HS6ST2: variants seen among roughly 807,000 people sequenced by gnomAD.
HS6ST2 encodes heparan sulfate 6-O-sulfotransferase 2, also known as heparan-sulfate 6-O-sulfotransferase 2.
Under a neutral mutation model 33.0 loss-of-function variants are expected in HS6ST2, and 17 were observed. The ratio of observed to expected loss-of-function variants is 0.52; its 90% CI spans 0.35 to 0.77. HS6ST2 has a LOEUF of 0.77. Ranked by LOEUF, HS6ST2 falls within the 30% of genes least tolerant of loss-of-function variation. The pLI, the probability that HS6ST2 is intolerant of heterozygous loss-of-function variation, is 0.01. For missense variants in HS6ST2, 519 were observed against 551.7 expected (o/e 0.94, Z 0.59); for synonymous variants, 248 against 237.1 (o/e 1.05, Z -0.42).
In HS6ST2 at chrX:132,668,975, A is replaced by G. The variant is rs962118427; in HGVS notation, c.1067+138T>C. On this transcript the variant is annotated intron_variant, in intron 4 of 4. Transcript: ENST00000370833. ...CATGCCTTGCTCGTTTCAATTCCCC[A>G]GTGACGAGCCCAGTGGGAGGCACAC... The G allele has an allele frequency of 3.2e-4, 141 of 440,807 alleles. 1 individual carries two copies. Among genetic ancestry groups the G allele is most frequent in the Non-Finnish European group, 8.5e-5 (21 of 248,010 alleles). 36.3% of individuals were successfully genotyped at this position (440,807 alleles called of 1,213,427 possible).
intron 4 of HS6ST2, among the ~76,000 whole-genome samples, chrX:132,659,999 T>G (rs1019843915): frequency 1.8e-5 from 2 of 111,889 alleles, no homozygotes; most frequent in African/African-American, 6.5e-5. Context: ...AATGTCACCT[T>G]TAGTGATGTT....
intron 4 of HS6ST2, among the ~76,000 whole-genome samples, chrX:132,629,532 T>C (rs1379734886): frequency 8.9e-6 from 1 of 112,385 alleles, no homozygotes; most frequent in Non-Finnish European, 1.9e-5. Context: ...ACATACTTTA[T>C]TGGAGTGAAA....
At chrX:132,769,261 C>T (rs899601297) in intron 2 of HS6ST2, among the ~76,000 whole-genome samples, 1 of 112,432 alleles carries the variant, frequency 8.9e-6, no homozygotes, top group Non-Finnish European at 1.9e-5. Flanking sequence ...AACAGGTAAA[C>T]AAGTAACTTT....
intron 4 of HS6ST2, among the ~76,000 whole-genome samples, chrX:132,637,955 T>G (rs2063574396): frequency 4.3e-5 from 3 of 69,650 alleles, no homozygotes; most frequent in Admixed American, 4.5e-4. Context: ...ATATATAATA[T>G]ATATAAAATA....
chrX:132,877,228 A>G (rs1270010287), intron 2 of HS6ST2, among the ~76,000 whole-genome samples: 1 of 112,064 alleles, frequency 8.9e-6, no homozygotes, highest in Non-Finnish European at 1.9e-5. Context: ...AAGCACTTCC[A>G]CATATGTTAT....
intron 2 of HS6ST2, among the ~76,000 whole-genome samples, chrX:132,866,917 G>A (rs12388441): frequency 3.6e-4 from 38 of 106,091 alleles, no homozygotes; most frequent in African/African-American, 5.9e-4. Flanking sequence ...CAATCATGTC[G>A]TCTGCAAACA....
At chrX:132,927,403 AGTCCC>A (rs2066720340) in intron 2 of HS6ST2, among the ~76,000 whole-genome samples, 1 of 111,871 alleles carries the variant, frequency 8.9e-6, no homozygotes, top group Non-Finnish European at 1.9e-5. Context: ...CTACTTAAAA[AGTCCC>A]AATGCCTTCT....
intron 2 of HS6ST2, chrX:132,735,397 G>GA (rs1478024870): frequency 9.0e-6 from 1 of 111,618 alleles, no homozygotes; most frequent in African/African-American, 3.3e-5. Context: ...CCAGGATCTA[G>GA]AAGGTCAAAG....
intron 2 of HS6ST2, among the ~76,000 whole-genome samples, chrX:132,913,556 G>A (rs756401394): frequency 1.8e-5 from 2 of 111,871 alleles, no homozygotes; most frequent in Non-Finnish European, 3.8e-5. Flanking sequence ...TGGATCCTGT[G>A]GCAAGTGTGG....
intron 2 of HS6ST2, among the ~76,000 whole-genome samples, chrX:132,752,408 G>A (rs1372802740): frequency 9.9e-6 from 1 of 101,520 alleles, no homozygotes; most frequent in Non-Finnish European, 2.0e-5. Flanking sequence ...GGAGGCGGAG[G>A]TTGCAATGAG....
At chrX:132,902,144 C>T (rs778301937) in intron 2 of HS6ST2, among the ~76,000 whole-genome samples, 10 of 108,571 alleles carry the variant, frequency 9.2e-5, no homozygotes, top group African/African-American at 3.0e-4. Context: ...CTCTTTAACC[C>T]AGGCTGGAGT....
chrX:132,883,528 C>A (rs954752873), intron 2 of HS6ST2, among the ~76,000 whole-genome samples: 6 of 111,266 alleles, frequency 5.4e-5, no homozygotes, highest in African/African-American at 1.6e-4. Flanking sequence ...GAGTGCCTAA[C>A]ATATGTCAAG....
At chrX:132,631,832 T>C (rs2063520010) in intron 4 of HS6ST2, among the ~76,000 whole-genome samples, 1 of 111,467 alleles carries the variant, frequency 9.0e-6, no homozygotes, top group African/African-American at 3.3e-5. Context: ...AGTGGAAGTC[T>C]GCAGCTCTCC....
intron 2 of HS6ST2, among the ~76,000 whole-genome samples, chrX:132,800,783 C>T (rs1280547216): frequency 8.9e-6 from 1 of 111,806 alleles, no homozygotes; most frequent in Non-Finnish European, 1.9e-5. Flanking sequence ...ATTGTAATCC[C>T]CAGGTGTTGA....
intron 2 of HS6ST2, among the ~76,000 whole-genome samples, chrX:132,864,312 A>G (rs1382048121): frequency 3.7e-5 from 4 of 109,485 alleles, no homozygotes; most frequent in African/African-American, 1.3e-4. Context: ...TTCAAGCTAA[A>G]GGAGCACATT....
At chrX:132,901,159 G>A (rs190375129) in intron 2 of HS6ST2, among the ~76,000 whole-genome samples, 48 of 111,632 alleles carry the variant, frequency 4.3e-4, no homozygotes, top group African/African-American at 1.6e-3. Flanking sequence ...GCCTTCAGAA[G>A]AAATGACTGC....
At chrX:132,751,896 C>T (rs1254638500) in intron 2 of HS6ST2, among the ~76,000 whole-genome samples, 1 of 112,085 alleles carries the variant, frequency 8.9e-6, no homozygotes, top group Non-Finnish European at 1.9e-5. Context: ...AGCTATCATC[C>T]AGTAGGCACC....
At chrX:132,813,852 A>G (rs942091832) in intron 2 of HS6ST2, among the ~76,000 whole-genome samples, 10 of 112,069 alleles carry the variant, frequency 8.9e-5, no homozygotes, top group Non-Finnish European at 1.9e-5. Context: ...CACTAGAGAA[A>G]GCAAATAAAT....
intron 2 of HS6ST2, among the ~76,000 whole-genome samples, chrX:132,730,814 G>A (rs866128036): frequency 8.9e-6 from 1 of 112,329 alleles, no homozygotes; most frequent in Non-Finnish European, 1.9e-5. Context: ...TTGCCCATTC[G>A]TCTTCCAGAA....
Sources: allele counts gnomAD v4.1 joint callset (sites outside exome capture counted in the v4.1 genomes callset), GRCh38; gene constraint gnomAD v4.1.1; transcripts MANE v1.5; gene names NCBI Gene and HGNC (gene_info 2026-07-23, HGNC 2026-07-21).